GSE1: variants seen among roughly 807,000 people sequenced by gnomAD.
The protein encoded by GSE1 is Gse1 coiled-coil protein.
GSE1 carries 32 observed loss-of-function variants against 112.6 expected under a neutral mutation model. That is an observed-to-expected ratio of 0.28 (90% CI 0.21 to 0.38). The LOEUF is 0.38. GSE1 is among the 10% of genes least tolerant of loss of function. The pLI, the probability that GSE1 is intolerant of heterozygous loss-of-function variation, is 1.00. For missense variants in GSE1, 2,348 were observed against 1,699.2 expected, an observed-to-expected ratio of 1.38 and a Z score of -6.71; for synonymous variants, 1,115 against 735.6, an observed-to-expected ratio of 1.52 and a Z score of -8.35.
At chr16:85,339,266 C>T (rs1237793974) in intron 1 of GSE1, among the ~76,000 whole-genome samples, 1 of 152,184 alleles carries the variant, frequency 6.6e-6, no homozygotes, top group African/African-American at 2.4e-5. Flanking sequence ...GGATGCCAAG[C>T]TGGCTGACCC....
At chr16:85,467,385 A>T (rs2050154065) in intron 2 of GSE1, among the ~76,000 whole-genome samples, 1 of 152,354 alleles carries the variant, frequency 6.6e-6, no homozygotes, top group African/African-American at 2.4e-5. Flanking sequence ...ACCCCAAGAC[A>T]TTGGCGTAAA....
chr16:85,452,606 C>T (rs1028840817), intron 2 of GSE1, among the ~76,000 whole-genome samples: 5 of 152,208 alleles, frequency 3.3e-5, no homozygotes, highest in African/African-American at 1.2e-4. Flanking sequence ...CCTCCTTCCT[C>T]GGAATCCCCT....
At position 85,668,239 on chromosome 16, in the gene GSE1, C is replaced by T; in HGVS notation, c.3230C>T (p.Pro1077Leu). Residue 1077 changes from proline to leucine, a missense_variant, in exon 14 of 16, where the codon CCC becomes CTC. Physicochemically the swap from Pro to Leu is moderately conservative, Grantham distance 98. Transcript: ENST00000253458. Reference protein sequence around the residue: ...ELQSSSRAPPPQHNGQQEPPT... With the variant: ...ELQSSSRAPPLQHNGQQEPPT... Reference sequence around the variant, plus strand: ...CAGTCCTCCAGCCGCGCCCCTCCACCCCAGCACAATGGGCAGCAGGAGCCC... The same window carrying T: ...CAGTCCTCCAGCCGCGCCCCTCCACTCCAGCACAATGGGCAGCAGGAGCCC... The T allele has an allele frequency of 6.2e-7, 1 of 1,611,426 alleles. No homozygotes were observed. Among genetic ancestry groups the T allele is most frequent in the Non-Finnish European group, 8.5e-7 (1 of 1,177,594 alleles).
At position 85,207,156 on chromosome 16, in the gene GSE1, C is replaced by A. The variant is rs981261133; in HGVS notation, c.2283+35349C>A. 6.6e-5 allele frequency among the ~76,000 whole-genome samples: 10 copies of A among 152,318 alleles called. No individual in the cohort carries two copies. In the East Asian group the frequency reaches 1.9e-3, roughly 29 times the overall value. ...TCTCCCCACCTAGCATCTCCACCTT[C>A]AGGGAGGCAGAATGTGGAGCCGAAT... On this transcript the variant is annotated intron_variant, in intron 1 of 2. Transcript: ENST00000637419.
At chr16:85,368,132 G>A (rs1360008389) in intron 2 of GSE1, among the ~76,000 whole-genome samples, 2 of 152,310 alleles carry the variant, frequency 1.3e-5, no homozygotes, top group South Asian at 4.1e-4. Context: ...GGGATTACAG[G>A]CGTGAGCCAC....
chr16:85,443,527 C>A (rs997787096), intron 2 of GSE1, among the ~76,000 whole-genome samples: 2 of 152,232 alleles, frequency 1.3e-5, no homozygotes, highest in Non-Finnish European at 2.9e-5. Context: ...TTTATATAAG[C>A]GTTAACTGTT....
intron 1 of GSE1, chr16:85,582,141 C>T (rs1228614006): frequency 1.3e-5 from 2 of 152,228 alleles, no homozygotes; most frequent in East Asian, 1.9e-4. Flanking sequence ...CGCAGGCACG[C>T]TGGTGTCATC....
intron 1 of GSE1, among the ~76,000 whole-genome samples, chr16:85,620,158 C>T (rs1028330049): frequency 2.6e-5 from 4 of 152,122 alleles, no homozygotes; most frequent in East Asian, 3.8e-4. Flanking sequence ...TGGTGGGATG[C>T]GCCTGTGGTT....
At chr16:85,290,719 A>G (rs1362388762) in intron 1 of GSE1, among the ~76,000 whole-genome samples, 1 of 152,166 alleles carries the variant, frequency 6.6e-6, no homozygotes, top group East Asian at 1.9e-4. Flanking sequence ...CGAGACACAC[A>G]AAGATAGGAG....
At chr16:85,222,192 C>T (rs1486543013) in intron 1 of GSE1, among the ~76,000 whole-genome samples, 2 of 152,208 alleles carry the variant, frequency 1.3e-5, no homozygotes, top group African/African-American at 2.4e-5. Flanking sequence ...TCCTGCACTT[C>T]AGTGTAGAGG....
At chr16:85,287,580 C>G (rs558003390) in intron 1 of GSE1, among the ~76,000 whole-genome samples, 13 of 152,230 alleles carry the variant, frequency 8.5e-5, no homozygotes, top group African/African-American at 3.1e-4. Context: ...GCCTGGAATG[C>G]TTTCCTCCTG....
intron 11 of GSE1, chr16:85,664,808 G>C (rs1263218445): frequency 8.8e-6 from 5 of 569,724 alleles, no homozygotes; most frequent in Non-Finnish European, 1.6e-5. Flanking sequence ...GCACGTCTAG[G>C]ACATTGTGTA....
intron 2 of GSE1, among the ~76,000 whole-genome samples, chr16:85,425,079 C>T (rs1283732640): frequency 2.6e-5 from 4 of 152,206 alleles, no homozygotes; most frequent in Non-Finnish European, 5.9e-5. Flanking sequence ...GCCACTCACC[C>T]AGGACTCCGG....
chr16:85,656,195 T>C, intron 6 of GSE1, 148 bp from the exon 7 acceptor site: 1 of 1,001,468 alleles, frequency 1.0e-6, no homozygotes, highest in Non-Finnish European at 1.5e-6. Context: ...CTTAAGTTCT[T>C]CCTGCACCAG....
At chr16:85,564,088 TA>T (rs780284373) in intron 1 of GSE1, among the ~76,000 whole-genome samples, 1 of 152,226 alleles carries the variant, frequency 6.6e-6, no homozygotes, top group Non-Finnish European at 1.5e-5. Context: ...ATCTATGTTT[TA>T]TCTGTAAGTC....
At chr16:85,300,939 G>C (rs1271777405) in intron 1 of GSE1, among the ~76,000 whole-genome samples, 1 of 152,218 alleles carries the variant, frequency 6.6e-6, no homozygotes, top group Non-Finnish European at 1.5e-5. Context: ...GGGGGCTGGA[G>C]AAGGGGAAGA....
intron 1 of GSE1, among the ~76,000 whole-genome samples, chr16:85,172,450 A>G (rs2074376196): frequency 6.6e-6 from 1 of 152,224 alleles, no homozygotes. Context: ...GCTGTGCAGG[A>G]GGCAGACGGG....
rs561298100 is a variant in GSE1, at chr16:85,656,465, A to G, written c.1112A>G (p.Gln371Arg). Residue 371 changes from glutamine (Q) to arginine (R), a missense_variant, in exon 7 of 16, where the codon CAA (glutamine) becomes CGA (arginine). Gln to Arg is a conservative substitution (Grantham distance 43, BLOSUM62 1). Transcript: ENST00000253458. ...REREREKERE[Q>R]EKEREREKER... The stretch of plus-strand genomic sequence containing the variant: ...CGCGAACGCGAGAAGGAGCGCGAGC[A>G]AGAGAAGGAGCGTGAGCGTGAGAAG... 1.2e-5 allele frequency: 19 copies of G among 1,530,988 alleles called. No homozygotes were observed. The highest frequency in any genetic ancestry group is 1.7e-4 in the Middle Eastern group (1 of 5,788). The allele number at this position is 1,530,988 out of a possible 1,614,324, so 94.8% of individuals were successfully genotyped here.
chr16:85,501,645 C>T (rs539188242), intron 2 of GSE1, among the ~76,000 whole-genome samples: 5 of 152,288 alleles, frequency 3.3e-5, no homozygotes, highest in African/African-American at 4.8e-5. Flanking sequence ...CCTCCCACCT[C>T]GGCCTCCCAA....
Sources: allele counts gnomAD v4.1 joint callset (sites outside exome capture counted in the v4.1 genomes callset), GRCh38; gene constraint gnomAD v4.1.1; transcripts MANE v1.5; gene names NCBI Gene and HGNC (gene_info 2026-07-23, HGNC 2026-07-21).